The following ST3GAL1 variants were observed in gnomAD, a reference collection of about 807,000 sequenced individuals.
ST3GAL1 encodes the protein ST3 beta-galactoside alpha-2,3-sialyltransferase 1, also known as CMP-N-acetylneuraminate-beta-galactosamide-alpha-2,3-sialyltransferase 1.
ST3GAL1 carries 16 observed loss-of-function variants against 34.1 expected under a neutral mutation model. The observed-to-expected ratio is 0.47, with a 90% CI of 0.32 to 0.71. The LOEUF (loss-of-function observed/expected upper bound fraction) is 0.71. Among genes scored for constraint, ST3GAL1 ranks in the 30% least tolerant of loss-of-function variants. The pLI is 0.04. For synonymous variants in ST3GAL1, 191 were observed against 184.7 expected (o/e 1.03, Z -0.28); for missense variants, 353 against 447.4 (o/e 0.79, Z 1.90).
At chr8:133,549,970 A>AAAAC (rs145922441) in intron 1 of ST3GAL1, among the ~76,000 whole-genome samples, 3 of 151,960 alleles carry the variant, frequency 2.0e-5, no homozygotes, top group Non-Finnish European at 2.9e-5. Flanking sequence ...CTCAAAAAAC[A>AAAAC]AAACAAACAA....
At chr8:133,485,303 G>C (rs1357918054) in intron 3 of ST3GAL1, among the ~76,000 whole-genome samples, 1 of 152,244 alleles carries the variant, frequency 6.6e-6, no homozygotes, top group African/African-American at 2.4e-5. Flanking sequence ...TCCTCTGGCA[G>C]TGGTAGAAGC....
intron 1 of ST3GAL1, among the ~76,000 whole-genome samples, chr8:133,546,213 G>A (rs1248246494): frequency 6.6e-6 from 1 of 152,200 alleles, no homozygotes; most frequent in African/African-American, 2.4e-5. Context: ...AATACAGGCG[G>A]CTTGGGCGCC....
At chr8:133,554,836 C>T (rs1393252523) in intron 1 of ST3GAL1, among the ~76,000 whole-genome samples, 2 of 150,998 alleles carry the variant, frequency 1.3e-5, no homozygotes, top group African/African-American at 2.4e-5. Context: ...AAGCGATTCT[C>T]GTGCCTCAGC....
At chr8:133,510,059 CAA>C (rs61402942) in intron 2 of ST3GAL1, among the ~76,000 whole-genome samples, 1,459 of 120,192 alleles carry the variant, frequency 0.012, 17 homozygotes, top group African/African-American at 0.035. Flanking sequence ...AACTCTGTCT[CAA>C]AAAAAAAAAA....
chr8:133,554,477 C>T (rs758362168), intron 1 of ST3GAL1, among the ~76,000 whole-genome samples: 25 of 152,092 alleles, frequency 1.6e-4, no homozygotes, highest in Non-Finnish European at 3.2e-4. Flanking sequence ...AGAGTGAGAA[C>T]TATGAATCAA....
At chr8:133,460,961 A>G (rs541058342) in intron 9 of ST3GAL1, among the ~76,000 whole-genome samples, 2 of 152,304 alleles carry the variant, frequency 1.3e-5, no homozygotes, top group Admixed American at 1.3e-4. Flanking sequence ...TGCAACATGG[A>G]CATGGGCCTG....
At chr8:133,460,201 C>T (rs775387411) in intron 9 of ST3GAL1, among the ~76,000 whole-genome samples, 11 of 152,260 alleles carry the variant, frequency 7.2e-5, no homozygotes, top group Middle Eastern at 3.4e-3. Context: ...CTCAGGGGCC[C>T]GGGTCTTACC....
In ST3GAL1 at chr8:133,466,276, G is replaced by C. The variant is rs1318677389; in HGVS notation, c.307-186C>G. Among the ~76,000 whole-genome samples, 1 of 152,152 alleles carries C rather than the reference G, an allele frequency of 6.6e-6. No individual in the cohort carries two copies. Among genetic ancestry groups the C allele is most frequent in the African/African-American group, 2.4e-5 (1 of 41,446 alleles). On this transcript the variant is annotated intron_variant, in intron 5 of 9. Coordinates refer to ENST00000522652, the MANE Select transcript of ST3GAL1 (RefSeq NM_173344.3). This position sits in a 1 kb window ranked among gnomAD's most constrained non-coding sequence, Gnocchi z 4.4. The stretch of plus-strand genomic sequence containing the variant: ...CACTTCCTCCTTCAAGGAGACTAAG[G>C]GTTACTCAGGAAGTAAAGAGAGCAT...
intron 2 of ST3GAL1, among the ~76,000 whole-genome samples, chr8:133,522,402 A>G (rs1216255256): frequency 6.6e-6 from 1 of 152,182 alleles, no homozygotes; most frequent in Non-Finnish European, 1.5e-5. Flanking sequence ...CATCACAGGC[A>G]CAGTGTGGTT....
intron 5 of ST3GAL1, among the ~76,000 whole-genome samples, chr8:133,472,525 G>C (rs1383482684): frequency 6.6e-6 from 1 of 152,232 alleles, no homozygotes; most frequent in Non-Finnish European, 1.5e-5. Context: ...CTGCCTGCAG[G>C]GGGGCCTTTA....
intron 8 of ST3GAL1, among the ~76,000 whole-genome samples, chr8:133,462,606 C>T (rs992596484): frequency 6.6e-5 from 10 of 152,186 alleles, no homozygotes; most frequent in Admixed American, 2.0e-4. Flanking sequence ...AAAGGGAATT[C>T]TCAGGCAGGA....
chr8:133,472,811 T>C (rs987075745), intron 5 of ST3GAL1, among the ~76,000 whole-genome samples: 3 of 146,774 alleles, frequency 2.0e-5, no homozygotes, highest in Non-Finnish European at 4.5e-5. Flanking sequence ...ATCTGGTAAA[T>C]GGGAAACAAC....
At chr8:133,562,833 CCTTCCTTCCTTTCTTTCT>C (rs1819278114) in intron 1 of ST3GAL1, among the ~76,000 whole-genome samples, 1 of 75,184 alleles carries the variant, frequency 1.3e-5, no homozygotes, top group African/African-American at 6.4e-5. Context: ...TTCCTTCCTT[CCTTCCTTCCTTTCTTTCT>C]TTTTTTTTTT....
At position 133,519,032 on chromosome 8, in the gene ST3GAL1, T is replaced by C. The variant is rs141049310; in HGVS notation, c.-428-19843A>G. On this transcript the variant is annotated intron_variant, in intron 2 of 9. Coordinates refer to ENST00000522652, the MANE Select transcript of ST3GAL1 (RefSeq NM_173344.3). ...CCTCGGAGGTGCAAACGTCTGTCTATGTTAAATTCTGAAGGGTAAGCAGAA... is the reference window on the plus strand; with the variant it reads ...CCTCGGAGGTGCAAACGTCTGTCTACGTTAAATTCTGAAGGGTAAGCAGAA... 2.0e-5 allele frequency among the ~76,000 whole-genome samples: 3 copies of C among 152,092 alleles called. No individual in the cohort carries two copies. In the East Asian group the frequency reaches 5.8e-4, roughly 29 times the overall value.
At chr8:133,540,847 A>ATATAGAGACATATC in intron 2 of ST3GAL1, among the ~76,000 whole-genome samples, 1 of 117,188 alleles carries the variant, frequency 8.5e-6, no homozygotes, top group Non-Finnish European at 1.9e-5. Flanking sequence ...AGAGACATAT[A>ATATAGAGACATATC]TATAGAGACA....
chr8:133,524,065 T>C (rs1380321311), intron 2 of ST3GAL1, among the ~76,000 whole-genome samples: 1 of 152,224 alleles, frequency 6.6e-6, no homozygotes, highest in Non-Finnish European at 1.5e-5. Context: ...AATGCTCTTA[T>C]GCCATTTCAT....
At position 133,522,846 on chromosome 8, in the gene ST3GAL1, T is replaced by C. The variant is rs183724835; in HGVS notation, c.-429+22928A>G. ...GGAGTACAATCCTTCTCTGGCCTCC[T>C]GGTGTGCTCCCAACACCCTCACCAG... On this transcript the variant is annotated intron_variant, in intron 2 of 9. Transcript: ENST00000522652. 4.5e-3 allele frequency among the ~76,000 whole-genome samples: 680 copies of C among 152,304 alleles called. 2 individuals carry two copies. Among genetic ancestry groups the C allele is most frequent in the Non-Finnish European group, 6.1e-3 (412 of 68,040 alleles).
At chr8:133,540,712 CATAT>C (rs1343808150) in intron 2 of ST3GAL1, among the ~76,000 whole-genome samples, 2 of 106,104 alleles carry the variant, frequency 1.9e-5, no homozygotes, top group African/African-American at 8.0e-5. Context: ...TATATACAGA[CATAT>C]ATATATATAG....
chr8:133,563,545 T>C (rs2131113188), intron 1 of ST3GAL1, among the ~76,000 whole-genome samples: 1 of 152,148 alleles, frequency 6.6e-6, no homozygotes, highest in East Asian at 1.9e-4. Flanking sequence ...GGATAGGTAG[T>C]CAAAAAGGGA....
Sources: gnomAD v4.1 joint callset for allele counts (sites outside exome capture counted in the v4.1 genomes callset) on GRCh38, gnomAD v4.1.1 for gene constraint, Gnocchi (gnomAD v3.1) non-coding constraint, MANE v1.5 for transcripts, NCBI Gene and HGNC (gene_info 2026-07-23, HGNC 2026-07-21) for gene names.